Variants in RIMS2 observed in about 807,000 individuals in gnomAD.
The protein encoded by RIMS2 is regulating synaptic membrane exocytosis 2.
A neutral mutation model predicts 174.4 loss-of-function variants in RIMS2; 59 were observed. The ratio of observed to expected loss-of-function variants is 0.34; its 90% CI spans 0.27 to 0.42. The LOEUF (loss-of-function observed/expected upper bound fraction) is 0.42. RIMS2 is among the 10% of genes least tolerant of loss of function. The pLI, the probability that RIMS2 is intolerant of heterozygous loss-of-function variation, is 1.00. For synonymous variants in RIMS2, 606 were observed against 572.5 expected, an observed-to-expected ratio of 1.06 and a Z score of -0.84; for missense variants, 1,620 against 1,666.3, an observed-to-expected ratio of 0.97 and a Z score of 0.48.
chr8:103,510,196 T>C (rs1000275474), intron 1 of RIMS2, among the ~76,000 whole-genome samples: 1 of 152,160 alleles, frequency 6.6e-6, no homozygotes, highest in Admixed American at 6.6e-5. Flanking sequence ...CTAAACAATA[T>C]AACTGGGTAG....
intron 19 of RIMS2, among the ~76,000 whole-genome samples, chr8:104,141,275 GAGAGGTC>G (rs1566648193): frequency 6.6e-6 from 1 of 152,126 alleles, no homozygotes; most frequent in African/African-American, 2.4e-5. Context: ...ATGGTGGAGG[GAGAGGTC>G]TATTATTCAA....
chr8:103,677,327 A>G (rs2096827807), intron 1 of RIMS2, among the ~76,000 whole-genome samples: 1 of 152,136 alleles, frequency 6.6e-6, no homozygotes, highest in African/African-American at 2.4e-5. Context: ...TTCACATCCC[A>G]TGCAATATTG....
intron 1 of RIMS2, among the ~76,000 whole-genome samples, chr8:103,682,998 C>T (rs974149273): frequency 6.6e-6 from 1 of 152,158 alleles, no homozygotes; most frequent in African/African-American, 2.4e-5. Context: ...CTGGCCTACT[C>T]TTGTGTGTGA....
At chr8:103,654,701 C>T (rs187817063) in intron 1 of RIMS2, among the ~76,000 whole-genome samples, 1 of 151,968 alleles carries the variant, frequency 6.6e-6, no homozygotes, top group East Asian at 1.9e-4. Context: ...TTCTTTCTGG[C>T]TTATCTTATT....
chr8:103,583,689 A>G (rs2093743362), intron 1 of RIMS2, among the ~76,000 whole-genome samples: 2 of 151,568 alleles, frequency 1.3e-5, no homozygotes, highest in Admixed American at 6.6e-5. Flanking sequence ...GACCTTCAAG[A>G]CAGGCTATTT....
intron 3 of RIMS2, among the ~76,000 whole-genome samples, chr8:103,858,181 G>T (rs965093524): frequency 1.8e-4 from 27 of 152,150 alleles, no homozygotes; most frequent in Non-Finnish European, 4.4e-5. Flanking sequence ...TTTGGGATGA[G>T]CTTCAAAAAC....
At chr8:104,179,344 T>G (rs918351811) in intron 19 of RIMS2, among the ~76,000 whole-genome samples, 2 of 152,036 alleles carry the variant, frequency 1.3e-5, no homozygotes, top group African/African-American at 2.4e-5. Context: ...AACTATAAAC[T>G]TTTTGTAATC....
intron 19 of RIMS2, among the ~76,000 whole-genome samples, chr8:104,039,866 AG>A (rs573890803): frequency 3.8e-4 from 57 of 151,730 alleles, no homozygotes; most frequent in Middle Eastern, 3.4e-3. Flanking sequence ...TTTTTTTTCT[AG>A]GGGTTAATCC....
intron 19 of RIMS2, among the ~76,000 whole-genome samples, chr8:104,226,483 A>G (rs978126364): frequency 1.1e-4 from 16 of 152,160 alleles, no homozygotes; most frequent in African/African-American, 3.9e-4. Flanking sequence ...AAAAATATTT[A>G]TTGGGGGTAT....
At chr8:103,894,789 C>T (rs1379305885) in intron 4 of RIMS2, among the ~76,000 whole-genome samples, 1 of 151,402 alleles carries the variant, frequency 6.6e-6, no homozygotes, top group Admixed American at 6.6e-5. Flanking sequence ...ATTGTTGTTA[C>T]TTAAGACCTA....
At chr8:104,052,192 G>A (rs921907491) in intron 19 of RIMS2, among the ~76,000 whole-genome samples, 2 of 152,162 alleles carry the variant, frequency 1.3e-5, no homozygotes, top group African/African-American at 2.4e-5. Flanking sequence ...AAATCCATTT[G>A]TCAAATGTCA....
chr8:103,533,322 CACA>C (rs1390808092), intron 1 of RIMS2, among the ~76,000 whole-genome samples: 8 of 152,244 alleles, frequency 5.3e-5, no homozygotes, highest in Admixed American at 2.0e-4. Flanking sequence ...AGTTACAAAA[CACA>C]ACAAGTGATT....
At chr8:103,530,393 A>G (rs1836451370) in intron 1 of RIMS2, among the ~76,000 whole-genome samples, 1 of 152,164 alleles carries the variant, frequency 6.6e-6, no homozygotes, top group Admixed American at 6.5e-5. Context: ...GTAAAACAGT[A>G]GATTTGACCA....
At chr8:104,207,095 C>T (rs2099083831) in intron 19 of RIMS2, among the ~76,000 whole-genome samples, 1 of 152,062 alleles carries the variant, frequency 6.6e-6, no homozygotes, top group African/African-American at 2.4e-5. Flanking sequence ...AAAAAACAGG[C>T]TTCTTTTTTT....
rs73282835 is a variant in RIMS2, at chr8:103,504,319, A to C, written c.176+3257A>C. Among the ~76,000 whole-genome samples the C allele has an allele frequency of 5.0e-3, 761 of 152,262 alleles. 7 individuals are homozygous for C. Among genetic ancestry groups the C allele is most frequent in the African/African-American group, 0.017 (721 of 41,560 alleles). ...GCATCCTTAACACCTGCACGTAATAAGTACTTAATAAATTGTGTTTATTTA... is the reference window on the plus strand; with the variant it reads ...GCATCCTTAACACCTGCACGTAATACGTACTTAATAAATTGTGTTTATTTA... On this transcript the variant is annotated intron_variant, in intron 1 of 23. Transcript: ENST00000504942.
chr8:104,148,641 G>A (rs990154423), intron 19 of RIMS2: 2 of 1,597,920 alleles, frequency 1.3e-6, no homozygotes, highest in African/African-American at 2.7e-5. Context: ...CAGACAAATG[G>A]GCATATCAGG....
chr8:104,116,157 A>G (rs952077863), intron 19 of RIMS2, among the ~76,000 whole-genome samples: 5 of 152,212 alleles, frequency 3.3e-5, no homozygotes, highest in African/African-American at 1.2e-4. Context: ...ATTCCTGTTA[A>G]TGAAGGTTTG....
intron 2 of RIMS2, among the ~76,000 whole-genome samples, chr8:103,705,158 G>A (rs1247100037): frequency 1.3e-5 from 2 of 151,792 alleles, no homozygotes; most frequent in Non-Finnish European, 2.9e-5. Context: ...ATTTAAATTT[G>A]TTCCAAGACA....
intron 12 of RIMS2, among the ~76,000 whole-genome samples, chr8:103,933,263 A>G (rs1036848954): frequency 7.0e-6 from 1 of 143,868 alleles, no homozygotes; most frequent in African/African-American, 2.7e-5. Context: ...ACTGCACTCC[A>G]GCCTGGGCAA....
Sources: allele counts gnomAD v4.1 joint callset (sites outside exome capture counted in the v4.1 genomes callset), GRCh38; gene constraint gnomAD v4.1.1; transcripts MANE v1.5; gene names NCBI Gene and HGNC (gene_info 2026-07-23, HGNC 2026-07-21).